The following KBTBD11 variants were observed in gnomAD, a reference collection of about 807,000 sequenced individuals.
KBTBD11 encodes the protein kelch repeat and BTB domain containing 11.
For missense variants in KBTBD11, 1,390 were observed against 1,001.8 expected (o/e 1.39, Z -5.23); for synonymous variants, 747 against 499.0 (o/e 1.50, Z -6.63).
At position 2,001,826 on chromosome 8, in the gene KBTBD11, C is replaced by A. The variant is rs1817376677; in HGVS notation, c.634C>A (p.Arg212Ser). ...CGTGGCCGAGGTGGTGGCCGGCGCG[C>A]GCCGCCTGCAGCTGCCCGGCGCCGC... ...DNVAEVVAGA[R>S]RLQLPGAAQR... Residue 212 changes from arginine (R) to serine (S), a missense_variant, in exon 2 of 2, where the codon CGC becomes AGC. Transcript: ENST00000320248. 14 of 1,218,822 alleles carry A rather than the reference C, an allele frequency of 1.1e-5. No individual in the cohort carries two copies. Among genetic ancestry groups the A allele is most frequent in the Non-Finnish European group, 1.4e-5 (14 of 983,266 alleles). The allele number at this position is 1,218,822 out of a possible 1,614,324, so 75.5% of individuals were successfully genotyped here. A position where few individuals can be genotyped will look rare whatever the true frequency, so the allele number is the denominator to read the frequency against.
At chr8:1,986,076 AG>A (rs1335112404) in intron 1 of KBTBD11, among the ~76,000 whole-genome samples, 1 of 152,236 alleles carries the variant, frequency 6.6e-6, no homozygotes, top group Non-Finnish European at 1.5e-5. Context: ...CTAAAATATC[AG>A]TAACAATGAC....
rs1817329992 is a variant in KBTBD11 at position 2,001,178 on chromosome 8, C to G, written c.-15C>G. The stretch of plus-strand genomic sequence containing the variant: ...GAACCGGGGGCGCGCGGGCGCAGCG[C>G]AGCACAGCCCGGCCATGGAGCACGC... On this transcript the variant is annotated 5_prime_UTR_variant, in exon 2 of 2. Transcript: ENST00000320248. 3 of 1,327,656 alleles carry G rather than the reference C, an allele frequency of 2.3e-6. No individual in the cohort carries two copies. In the African/African-American group the frequency reaches 4.6e-5, roughly 20 times the overall value. The allele number at this position is 1,327,656 out of a possible 1,614,324, so 82.2% of individuals were successfully genotyped here.
chr8:1,974,251 G>T, intron 1 of KBTBD11: 4 of 967,976 alleles, frequency 4.1e-6, no homozygotes, highest in Non-Finnish European at 4.9e-6. Flanking sequence ...GGGCCTCCTC[G>T]CGGGGTCTCC....
chr8:2,002,239 G>C lies in KBTBD11; in HGVS notation c.1047G>C (p.Ala349=). The part of the protein sequence containing the change: ...ELTRLPEGAP[A]RGCGLCVLYN... ...CGCGGCTGCCCGAGGGCGCGCCGGC[G>C]CGGGGCTGCGGCCTGTGCGTCCTCT... Residue 349 remains alanine, a synonymous_variant, in exon 2 of 2, where the codon GCG becomes GCC. Transcript: ENST00000320248. The surrounding 1 kb of genome is among the most constrained non-coding windows in gnomAD (Gnocchi z 4.1). 1.6e-6 allele frequency: 2 copies of C among 1,271,360 alleles called. No individual in the cohort carries two copies. Among genetic ancestry groups the C allele is most frequent in the South Asian group, 5.1e-5 (2 of 39,094 alleles). The allele number at this position is 1,271,360 out of a possible 1,614,324, so 78.8% of individuals were successfully genotyped here.
rs1175606574 is a variant in KBTBD11 at position 2,002,449 on chromosome 8, C to T, written c.1257C>T (p.Gly419=). The change falls in exon 2 of 2, where the codon GGC becomes GGT. Residue 419 remains glycine, a synonymous_variant. Coordinates refer to ENST00000320248, the MANE Select transcript of KBTBD11 (RefSeq NM_014867.3). This position sits in a 1 kb window ranked among gnomAD's most constrained non-coding sequence, Gnocchi z 4.1. ...ACGGTCACCTCTACGCCGTGGGCGG[C>T]GAGTGCCTGCTCAGCGTGGAGCGCT... ...ALDGHLYAVG[G]ECLLSVERYD... The T allele has an allele frequency of 6.0e-6, 9 of 1,505,856 alleles. No individual in the cohort carries two copies. The East Asian group carries it at 1.9e-4, about 31-fold the overall frequency. 93.3% of individuals were successfully genotyped at this position (1,505,856 alleles called of 1,614,324 possible).
chr8:1,974,835 G>C, intron 1 of KBTBD11: 2 of 348,708 alleles, frequency 5.7e-6, no homozygotes, highest in Non-Finnish European at 8.1e-6. Flanking sequence ...TCTATTCTAA[G>C]GAAAAGAAAA....
intron 1 of KBTBD11, among the ~76,000 whole-genome samples, chr8:1,989,729 G>A (rs1321816167): frequency 6.6e-6 from 1 of 152,110 alleles, no homozygotes; most frequent in Non-Finnish European, 1.5e-5. Flanking sequence ...ACACACGAGT[G>A]CCCCCTCACC....
At chr8:1,981,225 T>C (rs1816530125) in intron 1 of KBTBD11, among the ~76,000 whole-genome samples, 1 of 152,160 alleles carries the variant, frequency 6.6e-6, no homozygotes, top group Non-Finnish European at 1.5e-5. Flanking sequence ...AGAGAAAGAC[T>C]TTGCCAAGCA....
chr8:1,974,328 A>C (rs1187122140), intron 1 of KBTBD11: 2 of 983,744 alleles, frequency 2.0e-6, no homozygotes, highest in Non-Finnish European at 2.4e-6. Context: ...CCGCGCCCGC[A>C]GTCACCGCCC....
chr8:1,987,600 C>T (rs1816747160), intron 1 of KBTBD11, among the ~76,000 whole-genome samples: 1 of 152,142 alleles, frequency 6.6e-6, no homozygotes, highest in Admixed American at 6.5e-5. Flanking sequence ...CTTGTCTGTA[C>T]CTCGAGGACT....
chr8:1,985,992 G>C (rs564536219), intron 1 of KBTBD11, among the ~76,000 whole-genome samples: 2 of 152,348 alleles, frequency 1.3e-5, no homozygotes, highest in Non-Finnish European at 2.9e-5. Context: ...ATATGAAACT[G>C]TCTCTTCCTG....
chr8:1,991,622 C>T (rs1816922052), intron 1 of KBTBD11, among the ~76,000 whole-genome samples: 1 of 152,168 alleles, frequency 6.6e-6, no homozygotes, highest in South Asian at 2.1e-4. Context: ...GCTCTCCCCA[C>T]ACCAGGTCAG....
Position 1,973,813 on chromosome 8 carries a change from G to A in KBTBD11, c.-1031G>A, listed in dbSNP as rs1816205192. On this transcript the variant is annotated 5_prime_UTR_variant, in exon 1 of 2. Coordinates refer to ENST00000320248, the MANE Select transcript of KBTBD11 (RefSeq NM_014867.3). ...GTCGGAGGAGCAGCTCCCGCTCGCA[G>A]GTGCTCGGAGAGGCCGGGCCGCGGC... 2 of 983,470 alleles carry A rather than the reference G, an allele frequency of 2.0e-6. No individual in the cohort carries two copies. Among genetic ancestry groups the A allele is most frequent in the South Asian group, 4.7e-5 (1 of 21,278 alleles). The allele number at this position is 983,470 out of a possible 1,614,324, so 60.9% of individuals were successfully genotyped here. A position where few individuals can be genotyped will look rare whatever the true frequency, so the allele number is the denominator to read the frequency against.
intron 1 of KBTBD11, among the ~76,000 whole-genome samples, chr8:1,993,921 C>CCCCACACACA (rs1488600793): frequency 2.5e-5 from 1 of 39,302 alleles, no homozygotes; most frequent in East Asian, 2.2e-3. Flanking sequence ...ACAATACCCC[C>CCCCACACACA]TACACACACA....
chr8:2,001,173 C>T lies in KBTBD11; in HGVS notation c.-20C>T. ...CTGCGGAACCGGGGGCGCGCGGGCG[C>T]AGCGCAGCACAGCCCGGCCATGGAG... is the stretch of plus-strand genomic sequence containing the variant. On this transcript the variant is annotated 5_prime_UTR_variant, in exon 2 of 2. Transcript: ENST00000320248. 2 of 1,301,386 alleles carry T rather than the reference C, an allele frequency of 1.5e-6. No individual in the cohort carries two copies. The highest frequency in any genetic ancestry group is 4.4e-5 in the South Asian group (2 of 44,962). The allele number at this position is 1,301,386 out of a possible 1,614,324, so 80.6% of individuals were successfully genotyped here. A position where few individuals can be genotyped will look rare whatever the true frequency, so the allele number is the denominator to read the frequency against.
chr8:2,002,557 C>T lies in KBTBD11; in HGVS notation c.1365C>T (p.Cys455=), dbSNP rs1462851561. The part of the protein sequence containing the change: ...AFAVAHEATT[C]HGEIYVSGGS... ...CCGTGGCGCATGAGGCCACCACCTG[C>T]CACGGCGAGATCTACGTGTCCGGGG... The change falls in exon 2 of 2, where the codon TGC becomes TGT. Residue 455 remains cysteine (C), a synonymous_variant. Coordinates refer to ENST00000320248, the MANE Select transcript of KBTBD11 (RefSeq NM_014867.3). The surrounding 1 kb of genome is among the most constrained non-coding windows in gnomAD (Gnocchi z 4.1). The T allele has an allele frequency of 5.1e-6, 8 of 1,575,388 alleles. No individual in the cohort carries two copies. The highest frequency in any genetic ancestry group is 1.4e-5 in the African/African-American group (1 of 72,892).
chr8:1,996,216 CTG>C (rs1025771425), intron 1 of KBTBD11, among the ~76,000 whole-genome samples: 1 of 152,178 alleles, frequency 6.6e-6, no homozygotes, highest in African/African-American at 2.4e-5. Flanking sequence ...CCCAGGGACG[CTG>C]TGGTCTAACA....
chr8:1,977,287 A>G (rs1331043252), intron 1 of KBTBD11, among the ~76,000 whole-genome samples: 1 of 152,188 alleles, frequency 6.6e-6, no homozygotes, highest in Admixed American at 6.5e-5. Flanking sequence ...GAAGATGCAC[A>G]TAGAATGTTT....
chr8:1,996,560 G>A lies in KBTBD11; in HGVS notation c.-908-3725G>A, dbSNP rs75152414. Reference sequence around the variant, plus strand: ...TGGGATTACAGGCTTGAGCCACCGCGCCTGGCTGAAGGACTGAGAAGCAAA... The same window carrying A: ...TGGGATTACAGGCTTGAGCCACCGCACCTGGCTGAAGGACTGAGAAGCAAA... On this transcript the variant is annotated intron_variant, in intron 1 of 1. Coordinates refer to ENST00000320248, the MANE Select transcript of KBTBD11 (RefSeq NM_014867.3). 2.9e-3 allele frequency among the ~76,000 whole-genome samples: 440 copies of A among 152,174 alleles called. 4 individuals carry two copies. Among genetic ancestry groups the A allele is most frequent in the African/African-American group, 0.01 (416 of 41,506 alleles).
Sources: gnomAD v4.1 joint callset for allele counts (sites outside exome capture counted in the v4.1 genomes callset) on GRCh38, gnomAD v4.1.1 for gene constraint, Gnocchi (gnomAD v3.1) non-coding constraint, MANE v1.5 for transcripts, NCBI Gene and HGNC (gene_info 2026-07-23, HGNC 2026-07-21) for gene names.